SLCO3A1: variants seen among roughly 807,000 people sequenced by gnomAD.
The protein encoded by SLCO3A1 is solute carrier organic anion transporter family member 3A1.
A neutral mutation model predicts 63.1 loss-of-function variants in SLCO3A1; 27 were observed. The ratio of observed to expected loss-of-function variants is 0.43; its 90% CI spans 0.32 to 0.59. The LOEUF (loss-of-function observed/expected upper bound fraction) is 0.59, where lower values mean the gene tolerates loss of function less well. Among genes scored for constraint, SLCO3A1 ranks in the 20% least tolerant of loss-of-function variants. The pLI is 0.09. For synonymous variants in SLCO3A1, 473 were observed against 409.9 expected, an observed-to-expected ratio of 1.15 and a Z score of -1.86; for missense variants, 773 against 945.8, an observed-to-expected ratio of 0.82 and a Z score of 2.40.
chr15:91,961,896 C>CTGAA (rs1900461242), intron 2 of SLCO3A1, among the ~76,000 whole-genome samples: 1 of 152,196 alleles, frequency 6.6e-6, no homozygotes, highest in African/African-American at 2.4e-5. Flanking sequence ...CACATGTGTA[C>CTGAA]TGAATGAATG....
At position 91,865,528 on chromosome 15, in the gene SLCO3A1, C is replaced by T. The variant is rs748014248; in HGVS notation, c.180+11440C>T. On this transcript the variant is annotated intron_variant, in intron 1 of 9. Transcript: ENST00000318445. This position sits in a 1 kb window ranked among gnomAD's most constrained non-coding sequence, Gnocchi z 4.6. The stretch of plus-strand genomic sequence containing the variant: ...GTCCTGCAGGCCAGAAGTCTGAAAT[C>T]AGGGCATCAGCAGGGCCGTGCTCCC... 2.0e-5 allele frequency among the ~76,000 whole-genome samples: 3 copies of T among 152,212 alleles called. No homozygotes were observed. The highest frequency in any genetic ancestry group is 4.4e-5 in the Non-Finnish European group (3 of 68,028).
chr15:91,935,946 C>G (rs1899397338), intron 2 of SLCO3A1, among the ~76,000 whole-genome samples: 1 of 152,178 alleles, frequency 6.6e-6, no homozygotes, highest in Non-Finnish European at 1.5e-5. Context: ...GTTTGCACAG[C>G]TTATCATGGA....
At chr15:91,938,035 C>G (rs1363245121) in intron 2 of SLCO3A1, among the ~76,000 whole-genome samples, 1 of 152,144 alleles carries the variant, frequency 6.6e-6, no homozygotes, top group Non-Finnish European at 1.5e-5. Context: ...AGGAAGCAAT[C>G]AGGGAAAATT....
chr15:92,046,375 A>AG (rs1378054527), intron 2 of SLCO3A1, among the ~76,000 whole-genome samples: 1 of 151,828 alleles, frequency 6.6e-6, no homozygotes, highest in Non-Finnish European at 1.5e-5. Flanking sequence ...AGAAAAAAAA[A>AG]AATACCTGGG....
At chr15:92,001,821 T>C (rs1463333598) in intron 2 of SLCO3A1, among the ~76,000 whole-genome samples, 1 of 147,240 alleles carries the variant, frequency 6.8e-6, no homozygotes, top group African/African-American at 2.5e-5. Context: ...GGAAGTTGTG[T>C]GAGTTCTTTT....
In SLCO3A1 at chr15:91,938,015, C is replaced by T. The variant is rs1448427480; in HGVS notation, c.646+21557C>T. 2.0e-5 allele frequency among the ~76,000 whole-genome samples: 3 copies of T among 152,174 alleles called. No homozygotes were observed. In the East Asian group the frequency reaches 5.8e-4, roughly 29 times the overall value. Reference sequence around the variant, plus strand: ...TACAGGTGAAACATTCAGATTCCCACCTGGCTCAGAGGAAGCAATCAGGGA... The same window carrying T: ...TACAGGTGAAACATTCAGATTCCCATCTGGCTCAGAGGAAGCAATCAGGGA... On this transcript the variant is annotated intron_variant, in intron 2 of 9. Coordinates refer to ENST00000318445, the MANE Select transcript of SLCO3A1 (RefSeq NM_013272.4).
chr15:91,899,520 C>T (rs1898097994), intron 1 of SLCO3A1, among the ~76,000 whole-genome samples: 1 of 152,080 alleles, frequency 6.6e-6, no homozygotes, highest in African/African-American at 2.4e-5. Context: ...TTTTGTGAAC[C>T]TCTCCCAGTT....
chr15:92,162,966 A>G lies in SLCO3A1; in HGVS notation c.1964A>G (p.Tyr655Cys), dbSNP rs1221085801. The G allele has an allele frequency of 1.2e-6, 2 of 1,614,014 alleles. No individual in the cohort carries two copies. Among genetic ancestry groups the G allele is most frequent in the Non-Finnish European group, 1.7e-6 (2 of 1,180,034 alleles). The change falls in exon 10 of 10, where the codon TAC becomes TGC. Residue 655 changes from tyrosine (Y) to cysteine (C), a missense_variant. Tyr to Cys is a radical substitution (Grantham distance 194, BLOSUM62 -2). Transcript: ENST00000318445. ...WQCLRKNYKR[Y>C]IKNHEGGLST... ...TGCCTGAGGAAAAACTATAAACGCT[A>G]CATCAAAAACCACGAGGGCGGGCTG...
intron 2 of SLCO3A1, among the ~76,000 whole-genome samples, chr15:92,080,115 G>A (rs8031518): frequency 0.4 from 60,471 of 152,164 alleles, 13,325 homozygotes; most frequent in East Asian, 0.75. Context: ...AGCCCAGAGT[G>A]GCAACAGCTG....
Position 92,164,447 on chromosome 15 carries a change from T to A in SLCO3A1, c.*1312T>A. On this transcript the variant is annotated 3_prime_UTR_variant, in exon 10 of 10. Transcript: ENST00000318445. ...TCCTTCCCCATGATTCAGTGATCACTGTCACGGGAAACCCTTTTATATTCA... is the reference window on the plus strand; with the variant it reads ...TCCTTCCCCATGATTCAGTGATCACAGTCACGGGAAACCCTTTTATATTCA... The A allele has an allele frequency of 1.0e-6, 1 of 985,380 alleles. No homozygotes were observed. The allele number at this position is 985,380 out of a possible 1,614,324, so 61.0% of individuals were successfully genotyped here. A position where few individuals can be genotyped will look rare whatever the true frequency, so the allele number is the denominator to read the frequency against.
At chr15:92,154,358 C>T (rs943362991) in intron 9 of SLCO3A1, among the ~76,000 whole-genome samples, 2 of 152,122 alleles carry the variant, frequency 1.3e-5, no homozygotes, top group Non-Finnish European at 2.9e-5. Flanking sequence ...GTGGTGTAGA[C>T]CAGCGCTCTC....
chr15:91,924,745 A>G (rs185078259), intron 2 of SLCO3A1, among the ~76,000 whole-genome samples: 159 of 152,324 alleles, frequency 1.0e-3, no homozygotes, highest in African/African-American at 3.5e-3. Flanking sequence ...CTGCCTCACA[A>G]TGATGGGGAT....
At chr15:92,039,275 T>C (rs1020400451) in intron 2 of SLCO3A1, among the ~76,000 whole-genome samples, 1 of 151,966 alleles carries the variant, frequency 6.6e-6, no homozygotes, top group Admixed American at 6.6e-5. Flanking sequence ...AAAGAAACTA[T>C]CACAGTAAAC....
intron 5 of SLCO3A1, among the ~76,000 whole-genome samples, chr15:92,122,939 G>A (rs1177352390): frequency 1.3e-5 from 2 of 152,188 alleles, no homozygotes; most frequent in Non-Finnish European, 2.9e-5. Flanking sequence ...TAATTGAGGT[G>A]ACAGAGGCCA....
At chr15:92,006,862 C>A (rs989049130) in intron 2 of SLCO3A1, among the ~76,000 whole-genome samples, 1 of 152,200 alleles carries the variant, frequency 6.6e-6, no homozygotes, top group African/African-American at 2.4e-5. Flanking sequence ...GGAAAGCCCC[C>A]AAATGTATCC....
chr15:92,120,142 G>A (rs1028445719), intron 4 of SLCO3A1, among the ~76,000 whole-genome samples: 26 of 151,740 alleles, frequency 1.7e-4, no homozygotes, highest in Admixed American at 1.4e-3. Context: ...TGTTAGTAGA[G>A]GATGAAAATA....
At chr15:91,997,728 T>C (rs2046208532) in intron 2 of SLCO3A1, among the ~76,000 whole-genome samples, 1 of 152,222 alleles carries the variant, frequency 6.6e-6, no homozygotes, top group Admixed American at 6.5e-5. Flanking sequence ...TCTCTGATCT[T>C]CAACAAAGTT....
rs111293532 is a variant in SLCO3A1 at position 91,942,575 on chromosome 15, A to ATGTT, written c.646+26139_646+26142dup. On this transcript the variant is annotated intron_variant, in intron 2 of 9. Coordinates refer to ENST00000318445, the MANE Select transcript of SLCO3A1 (RefSeq NM_013272.4). The surrounding 1 kb of genome is among the most constrained non-coding windows in gnomAD (Gnocchi z 4.1). The stretch of plus-strand genomic sequence containing the variant: ...TGCAACAGAACTCTGCTGGAAATGT[A>ATGTT]TGTTTGTTTGTTTGTTTGTTTGTTT... 3.4e-4 allele frequency among the ~76,000 whole-genome samples: 51 copies of ATGTT among 151,814 alleles called. No homozygotes were observed. Among genetic ancestry groups the ATGTT allele is most frequent in the East Asian group, 5.8e-4 (3 of 5,154 alleles).
Position 92,012,203 on chromosome 15 carries a change from C to A in SLCO3A1, c.647-82678C>A, listed in dbSNP as rs563144227. ...CTTCTGCTGTCCTTGTTGCCTCTTA[C>A]AAAGACCATTGTATTTTCATCTTCT... On this transcript the variant is annotated intron_variant, in intron 2 of 9. Coordinates refer to ENST00000318445, the MANE Select transcript of SLCO3A1 (RefSeq NM_013272.4). 1.4e-4 allele frequency among the ~76,000 whole-genome samples: 21 copies of A among 152,314 alleles called. No homozygotes were observed. In the South Asian group the frequency reaches 4.1e-3, roughly 30 times the overall value.
Sources: allele counts gnomAD v4.1 joint callset (sites outside exome capture counted in the v4.1 genomes callset), GRCh38; gene constraint gnomAD v4.1.1; non-coding constraint Gnocchi (gnomAD v3.1); transcripts MANE v1.5; gene names NCBI Gene and HGNC (gene_info 2026-07-23, HGNC 2026-07-21).